Variants in EPS15L1 observed in about 807,000 individuals in gnomAD.
EPS15L1 encodes epidermal growth factor receptor substrate 15-like 1.
In EPS15L1, 43 loss-of-function variants were observed where a neutral mutation model predicts 117.1. That is an observed-to-expected ratio of 0.37 (90% confidence interval 0.29 to 0.47). EPS15L1 has a LOEUF of 0.47. Ranked by LOEUF, EPS15L1 falls within the 20% of genes least tolerant of loss-of-function variation. The pLI, the probability that EPS15L1 is intolerant of heterozygous loss-of-function variation, is 0.99. For synonymous variants in EPS15L1, 459 were observed against 470.5 expected (o/e 0.98, Z 0.32); for missense variants, 981 against 1,164.0 (o/e 0.84, Z 2.29).
intron 8 of EPS15L1, among the ~76,000 whole-genome samples, chr19:16,426,500 G>T (rs2092874085): frequency 1.3e-5 from 2 of 152,148 alleles, no homozygotes; most frequent in South Asian, 4.1e-4. Context: ...TTAGCTGGCT[G>T]TGGTGGTGGG....
Position 16,383,088 on chromosome 19 carries a change from G to A in EPS15L1, c.2247+2041C>T, listed in dbSNP as rs1000378828. On this transcript the variant is annotated intron_variant, in intron 21 of 23. Coordinates refer to ENST00000455140, the MANE Select transcript of EPS15L1 (RefSeq NM_001258374.3). This position sits in a 1 kb window ranked among gnomAD's most constrained non-coding sequence, Gnocchi z 5.2. ...AACAGAGCTGCAAGGTCAGGGTTGA[G>A]CTCAGAATGCGGCTGTACAAGTGTC... is the stretch of plus-strand genomic sequence containing the variant. 3 of 152,212 alleles carry A rather than the reference G, an allele frequency of 2.0e-5. No homozygotes were observed. The highest frequency in any genetic ancestry group is 7.2e-5 in the African/African-American group (3 of 41,428). The allele number at this position is 152,212 out of a possible 1,614,324, so 9.4% of individuals were successfully genotyped here. A position where few individuals can be genotyped will look rare whatever the true frequency, so the allele number is the denominator to read the frequency against.
At chr19:16,400,344 A>C (rs374470525) in intron 16 of EPS15L1, among the ~76,000 whole-genome samples, 45 of 151,710 alleles carry the variant, frequency 3.0e-4, no homozygotes, top group South Asian at 1.2e-3. Flanking sequence ...CTCAAAAAAA[A>C]AAAAACAAAA....
chr19:16,446,540 G>A lies in EPS15L1; in HGVS notation c.34-4321C>T, dbSNP rs149903707. ...ATCCTCCCGACAACGCTAAAGGGCA[G>A]GTAATATTACTAGTCCAGTTGACAG... On this transcript the variant is annotated intron_variant, in intron 1 of 23. Transcript: ENST00000455140. Among the ~76,000 whole-genome samples the A allele has an allele frequency of 7.4e-4, 112 of 152,314 alleles. No homozygotes were observed. The Middle Eastern group carries it at 0.02, about 28-fold the overall frequency.
chr19:16,402,134 G>C (rs1253760312), intron 16 of EPS15L1, 187 bp downstream of exon 16: 6 of 1,361,656 alleles, frequency 4.4e-6, no homozygotes, highest in Non-Finnish European at 5.7e-6. Flanking sequence ...CCAGGATTCA[G>C]CATGGCCACC....
At chr19:16,406,915 G>A (rs1344693498) in intron 13 of EPS15L1, among the ~76,000 whole-genome samples, 1 of 152,216 alleles carries the variant, frequency 6.6e-6, no homozygotes, top group Non-Finnish European at 1.5e-5. Context: ...CAGCCCTTGT[G>A]AGTGGGATTA....
At chr19:16,376,407 G>A (rs865847285) in intron 22 of EPS15L1, among the ~76,000 whole-genome samples, 2 of 152,348 alleles carry the variant, frequency 1.3e-5, no homozygotes, top group East Asian at 1.9e-4. Context: ...CCACGTGTGA[G>A]TTAAAGGGCT....
In EPS15L1 at chr19:16,420,847, G is replaced by A. The variant is rs1346607921; in HGVS notation, c.950+472C>T. Among the ~76,000 whole-genome samples the A allele has an allele frequency of 7.9e-5, 12 of 152,304 alleles. No homozygotes were observed. In the South Asian group the frequency reaches 1.0e-3, roughly 13 times the overall value. On this transcript the variant is annotated intron_variant, in intron 10 of 23. Coordinates refer to ENST00000455140, the MANE Select transcript of EPS15L1 (RefSeq NM_001258374.3). ...GACTGGGCTCTGAGGCACTGACAGG[G>A]TCTCCTTGTGCTCACCCTCCCGCCA...
At chr19:16,438,348 C>T (rs765967700) in intron 4 of EPS15L1, among the ~76,000 whole-genome samples, 2 of 151,954 alleles carry the variant, frequency 1.3e-5, no homozygotes, top group Admixed American at 6.6e-5. Context: ...AGCAAAACTC[C>T]GTCTCAAAAT....
At chr19:16,426,073 G>A (rs556437705) in intron 8 of EPS15L1, among the ~76,000 whole-genome samples, 4 of 152,348 alleles carry the variant, frequency 2.6e-5, no homozygotes, top group Non-Finnish European at 4.4e-5. Flanking sequence ...TGCCCCACAT[G>A]AGATGAACTG....
At chr19:16,397,006 A>G (rs2092547506) in intron 16 of EPS15L1, among the ~76,000 whole-genome samples, 1 of 152,214 alleles carries the variant, frequency 6.6e-6, no homozygotes, top group Admixed American at 6.5e-5. Context: ...GCTGGGTTCC[A>G]CAACAATGTG....
At chr19:16,417,917 A>G (rs1291731304) in intron 11 of EPS15L1, 31 bp downstream of exon 11, 17 of 1,592,938 alleles carry the variant, frequency 1.1e-5, no homozygotes, top group Non-Finnish European at 1.5e-5. Flanking sequence ...AGGGATGTCA[A>G]TACCCCCAGG....
At chr19:16,456,199 T>TCAAA (rs1032675618) in intron 1 of EPS15L1, among the ~76,000 whole-genome samples, 2 of 150,624 alleles carry the variant, frequency 1.3e-5, no homozygotes, top group African/African-American at 2.5e-5. Flanking sequence ...AAACCCTGTC[T>TCAAA]CAAACAAACA....
At chr19:16,437,414 G>A (rs189679871) in intron 5 of EPS15L1, among the ~76,000 whole-genome samples, 1 of 152,198 alleles carries the variant, frequency 6.6e-6, no homozygotes, top group Non-Finnish European at 1.5e-5. Flanking sequence ...GAATTCCATT[G>A]ATAGGAAATG....
At position 16,428,708 on chromosome 19, in the gene EPS15L1, G is replaced by A. The variant is rs200854798; in HGVS notation, c.552C>T (p.Phe184=). 11 of 1,611,262 alleles carry A rather than the reference G, an allele frequency of 6.8e-6. No individual in the cohort carries two copies. Among genetic ancestry groups the A allele is most frequent in the Admixed American group, 3.4e-5 (2 of 59,606 alleles). Reference sequence around the variant, plus strand: ...AGGAAACAGCAGGACTTACCACAGCGAACTCATCTCGATCCAAGTGCCCAT... The same window carrying A: ...AGGAAACAGCAGGACTTACCACAGCAAACTCATCTCGATCCAAGTGCCCAT... The part of the protein sequence containing the change: ...DKDGHLDRDE[F]AVAMHLVYRA... The change falls in exon 8 of 24, where the codon TTC becomes TTT. Residue 184 remains phenylalanine, a synonymous_variant. Coordinates refer to ENST00000455140, the MANE Select transcript of EPS15L1 (RefSeq NM_001258374.3).
intron 1 of EPS15L1, among the ~76,000 whole-genome samples, chr19:16,458,688 TCACA>T (rs573558501): frequency 5.3e-5 from 8 of 151,844 alleles, no homozygotes; most frequent in Middle Eastern, 3.4e-3. Flanking sequence ...ACACACTCAC[TCACA>T]CACACTCAGC....
chr19:16,408,025 G>A (rs907142531), intron 13 of EPS15L1, among the ~76,000 whole-genome samples: 1 of 152,172 alleles, frequency 6.6e-6, no homozygotes, highest in African/African-American at 2.4e-5. Context: ...CTGGGGATGT[G>A]GGTGGCCACA....
At chr19:16,409,882 G>A (rs2092690314) in intron 13 of EPS15L1, among the ~76,000 whole-genome samples, 1 of 144,614 alleles carries the variant, frequency 6.9e-6, no homozygotes, top group African/African-American at 2.6e-5. Context: ...AGGTTGCAGT[G>A]AGCTGAGATC....
intron 15 of EPS15L1, 105 bp downstream of exon 15, chr19:16,403,628 A>T: frequency 9.2e-7 from 1 of 1,085,678 alleles, no homozygotes; most frequent in Non-Finnish European, 1.4e-6. Context: ...AGAGACCCTC[A>T]CGTAAGTAAC....
rs142671737 is a variant in EPS15L1, at chr19:16,357,861, T to TCC, written c.2587-2012_2587-2011dup. ...TCACTGCCAGGGGCACAGATAAGCA[T>TCC]CCCCCCCGCCCCAGTTTGGGGAATT... On this transcript the variant is annotated intron_variant, in intron 23 of 23. Coordinates refer to ENST00000455140, the MANE Select transcript of EPS15L1 (RefSeq NM_001258374.3). 1.1e-4 allele frequency: 17 copies of TCC among 150,976 alleles called. No individual in the cohort carries two copies. The South Asian group carries it at 1.7e-3, about 15-fold the overall frequency. The allele number at this position is 150,976 out of a possible 1,614,324, so 9.4% of individuals were successfully genotyped here. A position where few individuals can be genotyped will look rare whatever the true frequency, so the allele number is the denominator to read the frequency against.
Sources: allele counts gnomAD v4.1 joint callset (sites outside exome capture counted in the v4.1 genomes callset), GRCh38; gene constraint gnomAD v4.1.1; non-coding constraint Gnocchi (gnomAD v3.1); transcripts MANE v1.5; gene names NCBI Gene and HGNC (gene_info 2026-07-23, HGNC 2026-07-21).